PDHX: variants seen among roughly 807,000 people sequenced by gnomAD.
The protein encoded by PDHX is pyruvate dehydrogenase protein X component, mitochondrial.
Under a neutral mutation model 55.3 loss-of-function variants are expected in PDHX, and 33 were observed. The observed-to-expected ratio is 0.60, with a 90% CI of 0.45 to 0.80. The LOEUF (loss-of-function observed/expected upper bound fraction) is 0.80. PDHX is among the 30% of genes least tolerant of loss of function. The probability of loss-of-function intolerance (pLI) is 0.00; values close to 1 mark genes in which losing one functional copy is unlikely to be tolerated. For missense variants in PDHX, 622 were observed against 619.9 expected (o/e 1.00, Z -0.04); for synonymous variants, 226 against 219.4 (o/e 1.03, Z -0.27).
At chr11:34,950,899 G>T (rs4756181) in intron 3 of PDHX, among the ~76,000 whole-genome samples, 87,728 of 147,560 alleles carry the variant, frequency 0.59, 27,493 homozygotes, top group East Asian at 0.75. Flanking sequence ...CCAGTAATGG[G>T]ATGGCTGGGT....
At chr11:34,992,513 A>G in intron 10 of PDHX, 134 bp downstream of exon 10, 1 of 599,560 alleles carries the variant, frequency 1.7e-6, no homozygotes, top group Non-Finnish European at 2.9e-6. Flanking sequence ...AGACAATAGA[A>G]TATCTGAAAA....
At chr11:34,950,470 A>G (rs1020675807) in intron 3 of PDHX, among the ~76,000 whole-genome samples, 2 of 150,024 alleles carry the variant, frequency 1.3e-5, no homozygotes, top group African/African-American at 4.9e-5. Context: ...GGTGTGCTGC[A>G]CCCATTAACT....
intron 2 of PDHX, among the ~76,000 whole-genome samples, chr11:34,940,786 G>A (rs11032941): frequency 0.19 from 28,656 of 151,872 alleles, 3,873 homozygotes; most frequent in African/African-American, 0.39. Flanking sequence ...TTTTGTCTAT[G>A]TTTCATATAA....
intron 2 of PDHX, among the ~76,000 whole-genome samples, chr11:34,943,623 A>G (rs1316522148): frequency 6.6e-6 from 1 of 152,208 alleles, no homozygotes; most frequent in Admixed American, 6.5e-5. Flanking sequence ...AGCTTTCTCT[A>G]TGACATACAA....
Position 34,989,640 on chromosome 11 carries a change from G to A in PDHX, c.1183-2675G>A, listed in dbSNP as rs139243697. Among the ~76,000 whole-genome samples, 5 of 152,258 alleles carry A rather than the reference G, an allele frequency of 3.3e-5. No individual in the cohort carries two copies. The East Asian group carries it at 7.7e-4, about 24-fold the overall frequency. Reference sequence around the variant, plus strand: ...ATCCAGTACACACTTCCCTCTGATCGTCACTTGGCTGGCTTTTTTTCATCA... The same window carrying A: ...ATCCAGTACACACTTCCCTCTGATCATCACTTGGCTGGCTTTTTTTCATCA... On this transcript the variant is annotated intron_variant, in intron 9 of 10. Transcript: ENST00000227868.
rs750359152 is a variant in PDHX, at chr11:34,949,302, C to T, written c.342+1696C>T. On this transcript the variant is annotated intron_variant, in intron 3 of 10. Transcript: ENST00000227868. Reference sequence around the variant, plus strand: ...TTGCTCTTGTTGCCCAGGCTGGACACGATCTTGGCTCATCACAACCTCCGC... The same window carrying T: ...TTGCTCTTGTTGCCCAGGCTGGACATGATCTTGGCTCATCACAACCTCCGC... Among the ~76,000 whole-genome samples, 4 of 127,648 alleles carry T rather than the reference C, an allele frequency of 3.1e-5. No individual in the cohort carries two copies. In the South Asian group the frequency reaches 7.2e-4, roughly 23 times the overall value. 83.7% of individuals were successfully genotyped at this position (127,648 alleles called of 152,430 possible).
upstream of PDHX, chr11:34,916,567 TC>T: frequency 6.4e-7 from 1 of 1,557,000 alleles, no homozygotes; most frequent in South Asian, 1.2e-5. Context: ...ACCGCTAGCG[TC>T]TGGGGGCGTG....
At chr11:34,984,503 T>G in intron 8 of PDHX, 67 bp from the exon 9 acceptor site, 1 of 1,374,678 alleles carries the variant, frequency 7.3e-7, no homozygotes, top group Non-Finnish European at 1.0e-6. Flanking sequence ...ACAATGATTT[T>G]ATTTTTCTGT....
chr11:34,993,661 T>G (rs1051973582), intron 10 of PDHX, among the ~76,000 whole-genome samples: 1 of 152,152 alleles, frequency 6.6e-6, no homozygotes, highest in African/African-American at 2.4e-5. Context: ...ACCACCAAGC[T>G]ATAACTCTTG....
chr11:34,977,198 C>T (rs140125041), intron 7 of PDHX, among the ~76,000 whole-genome samples: 42 of 152,142 alleles, frequency 2.8e-4, no homozygotes, highest in African/African-American at 9.4e-4. Flanking sequence ...CCTAAAATTC[C>T]GTGATACTTT....
rs563476066 is a variant in PDHX at position 34,916,900 on chromosome 11, T to C, written c.160+85T>C. On this transcript the variant is annotated intron_variant, in intron 1 of 10. Coordinates refer to ENST00000227868, the MANE Select transcript of PDHX (RefSeq NM_003477.3). Reference sequence around the variant, plus strand: ...GGCAGTTATGATTGAGGGCCTGCTTTTGGGTGTGAAGGTGCGCGGGCTCCT... The same window carrying C: ...GGCAGTTATGATTGAGGGCCTGCTTCTGGGTGTGAAGGTGCGCGGGCTCCT... 3.8e-5 allele frequency: 51 copies of C among 1,342,320 alleles called. No individual in the cohort carries two copies. In the East Asian group the frequency reaches 1.2e-3, roughly 33 times the overall value. 83.2% of individuals were successfully genotyped at this position (1,342,320 alleles called of 1,614,324 possible).
Position 34,992,326 on chromosome 11 carries a change from G to A in PDHX, c.1194G>A (p.Lys398=). Residue 398 remains lysine (K), a synonymous_variant, in exon 10 of 11, where the codon AAG becomes AAA. Transcript: ENST00000227868. The stretch of plus-strand genomic sequence containing the variant: ...TGTATTTTTCTCAGGCTCTATCAAA[G>A]AAAGCAAGAGATGGAAAATTGTTGC... The part of the protein sequence containing the change: ...EIADSVKALS[K]KARDGKLLPE... 6.3e-7 allele frequency: 1 copy of A among 1,599,476 alleles called. No homozygotes were observed.
rs187597869 is a variant in PDHX, at chr11:34,989,150, G to A, written c.1183-3165G>A. On this transcript the variant is annotated intron_variant, in intron 9 of 10. Transcript: ENST00000227868. ...GTACAGCCTATTACTGTACTGAATAGTATAAGGAAATAGTGATACAATGGT... is the reference window on the plus strand; with the variant it reads ...GTACAGCCTATTACTGTACTGAATAATATAAGGAAATAGTGATACAATGGT... 1.6e-4 allele frequency among the ~76,000 whole-genome samples: 25 copies of A among 152,298 alleles called. No homozygotes were observed. The East Asian group carries it at 4.6e-3, about 28-fold the overall frequency.
At chr11:34,949,176 C>T (rs940389773) in intron 3 of PDHX, among the ~76,000 whole-genome samples, 1 of 152,112 alleles carries the variant, frequency 6.6e-6, no homozygotes, top group African/African-American at 2.4e-5. Context: ...ATTTGGGAGT[C>T]TCTTCACAAC....
At chr11:34,963,818 G>A (rs1432426034) in intron 5 of PDHX, among the ~76,000 whole-genome samples, 1 of 152,172 alleles carries the variant, frequency 6.6e-6, no homozygotes, top group Non-Finnish European at 1.5e-5. Context: ...TTTTAAGAAA[G>A]CAGTGTCGAG....
At chr11:34,945,436 T>A (rs569447948) in intron 2 of PDHX, among the ~76,000 whole-genome samples, 1 of 152,290 alleles carries the variant, frequency 6.6e-6, no homozygotes, top group East Asian at 1.9e-4. Context: ...GTGGTAAAAT[T>A]TCCTAGCCTT....
At chr11:34,948,084 A>G (rs1476476784) in intron 3 of PDHX, among the ~76,000 whole-genome samples, 5 of 152,192 alleles carry the variant, frequency 3.3e-5, no homozygotes, top group African/African-American at 1.2e-4. Context: ...ATGATAAGCA[A>G]ATTCTTCATC....
chr11:34,936,802 T>G (rs796172181), intron 2 of PDHX, among the ~76,000 whole-genome samples: 13 of 129,156 alleles, frequency 1.0e-4, no homozygotes, highest in South Asian at 2.7e-4. Flanking sequence ...TTTTTTTTTT[T>G]TTTCTGAGAC....
chr11:34,973,416 A>T (rs1228770001), intron 7 of PDHX, among the ~76,000 whole-genome samples: 1 of 152,116 alleles, frequency 6.6e-6, no homozygotes, highest in Non-Finnish European at 1.5e-5. Flanking sequence ...ATTTAATGGG[A>T]TAGTTGGATT....
Sources: gnomAD v4.1 joint callset for allele counts (sites outside exome capture counted in the v4.1 genomes callset) on GRCh38, gnomAD v4.1.1 for gene constraint, MANE v1.5 for transcripts, NCBI Gene and HGNC (gene_info 2026-07-23, HGNC 2026-07-21) for gene names.